TPST1: variants seen among roughly 807,000 people sequenced by gnomAD.
TPST1 encodes the protein protein-tyrosine sulfotransferase 1.
TPST1 carries 20 observed loss-of-function variants against 34.8 expected under a neutral mutation model. The observed-to-expected ratio is 0.57, with a 90% CI of 0.40 to 0.84. The LOEUF (loss-of-function observed/expected upper bound fraction) is 0.84, where lower values mean the gene tolerates loss of function less well. Ranked by LOEUF, TPST1 falls within the 40% of genes least tolerant of loss-of-function variation. TPST1 has a pLI of 0.00. For missense variants in TPST1, 353 were observed against 455.5 expected, an observed-to-expected ratio of 0.78 and a Z score of 2.05; for synonymous variants, 152 against 159.4, an observed-to-expected ratio of 0.95 and a Z score of 0.35.
chr7:66,356,450 A>G (rs1483280914), intron 4 of TPST1, among the ~76,000 whole-genome samples: 3 of 152,114 alleles, frequency 2.0e-5, no homozygotes, highest in Non-Finnish European at 4.4e-5. Flanking sequence ...ATGTGTTAGA[A>G]CTCAATCTCC....
intron 2 of TPST1, among the ~76,000 whole-genome samples, chr7:66,275,145 G>T (rs1790781062): frequency 6.6e-6 from 1 of 152,144 alleles, no homozygotes; most frequent in African/African-American, 2.4e-5. Flanking sequence ...AGTAAGCCAA[G>T]ATTGAGCCAC....
chr7:66,244,042 A>G (rs1790096699), intron 2 of TPST1, among the ~76,000 whole-genome samples: 1 of 146,026 alleles, frequency 6.8e-6, no homozygotes, highest in Non-Finnish European at 1.5e-5. Context: ...TCGGCCTCCC[A>G]GGTTCACGCC....
chr7:66,256,583 AACAAGAAG>A (rs1356298710), intron 2 of TPST1, among the ~76,000 whole-genome samples: 1 of 152,208 alleles, frequency 6.6e-6, no homozygotes, highest in Non-Finnish European at 1.5e-5. Flanking sequence ...GCAGCAGGCA[AACAAGAAG>A]AGCCAGAGAA....
upstream of TPST1, among the ~76,000 whole-genome samples, chr7:66,200,440 G>A (rs573639929): frequency 2.1e-5 from 3 of 140,000 alleles, no homozygotes; most frequent in Non-Finnish European, 4.6e-5. Flanking sequence ...TTTTTTTTGA[G>A]ATGGAGTTTC....
chr7:66,211,621 T>G (rs926108249), intron 1 of TPST1, among the ~76,000 whole-genome samples: 1 of 152,246 alleles, frequency 6.6e-6, no homozygotes, highest in African/African-American at 2.4e-5. Flanking sequence ...TGTTTCTTTC[T>G]TTCCTGCTTA....
upstream of TPST1, among the ~76,000 whole-genome samples, chr7:66,201,465 C>T (rs984682406): frequency 4.0e-5 from 6 of 151,240 alleles, no homozygotes; most frequent in Admixed American, 3.3e-4. Context: ...CCAAGGTGGG[C>T]AGATCACATG....
intron 3 of TPST1, among the ~76,000 whole-genome samples, chr7:66,328,906 A>ATATATTTTTTT (rs1299138303): frequency 9.9e-4 from 13 of 13,158 alleles, no homozygotes; most frequent in African/African-American, 1.1e-3. Context: ...ATATATATAT[A>ATATATTTTTTT]TTTTTTTTTT....
intron 3 of TPST1, among the ~76,000 whole-genome samples, chr7:66,322,137 T>A (rs1025303362): frequency 7.9e-5 from 12 of 152,218 alleles, no homozygotes; most frequent in African/African-American, 2.4e-4. Context: ...TTTTTCCAAT[T>A]CAAGTCCTTG....
intron 1 of TPST1, among the ~76,000 whole-genome samples, chr7:66,233,122 A>G (rs1287732904): frequency 6.6e-6 from 1 of 151,400 alleles, no homozygotes; most frequent in Non-Finnish European, 1.5e-5. Context: ...TCAGGCATAT[A>G]ATTTGCAGAT....
chr7:66,215,841 C>T (rs1243393507), intron 1 of TPST1, among the ~76,000 whole-genome samples: 3 of 145,614 alleles, frequency 2.1e-5, no homozygotes, highest in South Asian at 2.1e-4. Flanking sequence ...GGCACGATCT[C>T]GGCTCACTGC....
chr7:66,274,366 G>GA (rs767132312), intron 2 of TPST1, among the ~76,000 whole-genome samples: 148 of 131,766 alleles, frequency 1.1e-3, no homozygotes, highest in Middle Eastern at 3.8e-3. Flanking sequence ...GACTCCGTCT[G>GA]AAAAAAAAAA....
intron 5 of TPST1, among the ~76,000 whole-genome samples, chr7:66,357,299 G>A (rs1403975055): frequency 6.6e-6 from 1 of 152,270 alleles, no homozygotes; most frequent in East Asian, 1.9e-4. Flanking sequence ...CAGAACTCAA[G>A]AGTGGCTGTT....
rs566451632 is a variant in TPST1 at position 66,296,250 on chromosome 7, C to T, written c.1044+9541C>T. 3.3e-4 allele frequency among the ~76,000 whole-genome samples: 16 copies of T among 48,488 alleles called. 1 individual carries two copies. Among genetic ancestry groups the T allele is most frequent in the Admixed American group, 1.2e-3 (6 of 4,924 alleles). The allele number at this position is 48,488 out of a possible 152,430, so 31.8% of individuals were successfully genotyped here. A position where few individuals can be genotyped will look rare whatever the true frequency, so the allele number is the denominator to read the frequency against. On this transcript the variant is annotated intron_variant, in intron 3 of 5. Coordinates refer to ENST00000304842, the MANE Select transcript of TPST1 (RefSeq NM_003596.4). Reference sequence around the variant, plus strand: ...GAAATTAAAAAACACCCACCCTTCCCCCCCCCCTCCCCCACCGTCTCTGCC... The same window carrying T: ...GAAATTAAAAAACACCCACCCTTCCTCCCCCCCTCCCCCACCGTCTCTGCC...
At chr7:66,262,549 T>C (rs1209522690) in intron 2 of TPST1, among the ~76,000 whole-genome samples, 1 of 152,172 alleles carries the variant, frequency 6.6e-6, no homozygotes, top group Non-Finnish European at 1.5e-5. Flanking sequence ...TTTTTTTAGC[T>C]TTTTCTTCCA....
chr7:66,267,985 A>G lies in TPST1; in HGVS notation c.846-18526A>G, dbSNP rs1790625557. On this transcript the variant is annotated intron_variant, in intron 2 of 5. Coordinates refer to ENST00000304842, the MANE Select transcript of TPST1 (RefSeq NM_003596.4). Reference sequence around the variant, plus strand: ...GTCCTTTTTTTTTGACAGGGTTTCCATCTATCACCCAGGCTGGAGTGCAGT... The same window carrying G: ...GTCCTTTTTTTTTGACAGGGTTTCCGTCTATCACCCAGGCTGGAGTGCAGT... Among the ~76,000 whole-genome samples the G allele has an allele frequency of 3.4e-5, 5 of 147,018 alleles. 1 individual carries two copies. The highest frequency in any genetic ancestry group is 1.0e-4 in the African/African-American group (4 of 39,560).
At chr7:66,247,992 T>C (rs911814187) in intron 2 of TPST1, among the ~76,000 whole-genome samples, 1 of 141,542 alleles carries the variant, frequency 7.1e-6, no homozygotes, top group South Asian at 2.2e-4. Context: ...CATAGGTGAA[T>C]ATATTTTTGA....
intron 3 of TPST1, among the ~76,000 whole-genome samples, chr7:66,323,288 C>T (rs556095361): frequency 2.6e-5 from 4 of 152,140 alleles, no homozygotes; most frequent in Non-Finnish European, 4.4e-5. Context: ...GCAATCAACC[C>T]GTATCAGCCT....
upstream of TPST1, among the ~76,000 whole-genome samples, chr7:66,203,613 G>A (rs1297609103): frequency 6.6e-6 from 1 of 151,648 alleles, no homozygotes; most frequent in Non-Finnish European, 1.5e-5. Flanking sequence ...TGCCTCCCGA[G>A]TAGCTGGGAC....
intron 2 of TPST1, among the ~76,000 whole-genome samples, chr7:66,268,631 G>T (rs1790637797): frequency 6.6e-6 from 1 of 151,816 alleles, no homozygotes; most frequent in Non-Finnish European, 1.5e-5. Context: ...TAAACCCTTT[G>T]CAATATTGAT....
Sources: gnomAD v4.1 joint callset for allele counts (sites outside exome capture counted in the v4.1 genomes callset) on GRCh38, gnomAD v4.1.1 for gene constraint, MANE v1.5 for transcripts, NCBI Gene and HGNC (gene_info 2026-07-23, HGNC 2026-07-21) for gene names.